Variants in IGFL4 observed in about 807,000 individuals in gnomAD.
The protein encoded by IGFL4 is IGF like family member 4, also known as insulin growth factor-like family member 4.
In IGFL4, 12 loss-of-function variants were observed where a neutral mutation model predicts 15.4. The ratio of observed to expected loss-of-function variants is 0.78; its 90% confidence interval spans 0.50 to 1.26. The LOEUF (loss-of-function observed/expected upper bound fraction) is 1.26, where lower values mean the gene tolerates loss of function less well. Among genes scored for constraint, IGFL4 ranks in the 50% most tolerant of loss-of-function variants. The pLI is 0.00. For synonymous variants in IGFL4, 54 were observed against 55.9 expected (o/e 0.97, Z 0.16); for missense variants, 126 against 147.8 (o/e 0.85, Z 0.76).
intron 1 of IGFL4, among the ~76,000 whole-genome samples, chr19:46,066,969 G>C (rs1969501024): frequency 6.6e-6 from 1 of 152,188 alleles, no homozygotes. Flanking sequence ...CTCTCCTTCA[G>C]CCAAGGGCAT....
chr19:46,042,608 A>G (rs941024883), upstream of IGFL4, among the ~76,000 whole-genome samples: 14 of 152,364 alleles, frequency 9.2e-5, no homozygotes, highest in African/African-American at 3.4e-4. Flanking sequence ...GTTAGTGACA[A>G]AAACAAGCTC....
chr19:46,040,097 C>A lies in IGFL4; in HGVS notation c.330+60G>T. 1 of 1,599,302 alleles carries A rather than the reference C, an allele frequency of 6.3e-7. No individual in the cohort carries two copies. Among genetic ancestry groups the A allele is most frequent in the Non-Finnish European group, 8.6e-7 (1 of 1,169,430 alleles). On this transcript the variant is annotated intron_variant, in intron 3 of 3. Coordinates refer to ENST00000377697, the MANE Select transcript of IGFL4 (RefSeq NM_001002923.3). This position sits in a 1 kb window ranked among gnomAD's most constrained non-coding sequence, Gnocchi z 4.1. ...ACTGCACATCTGGGTGGGACATGGA[C>A]AACCAAGCTCCATTCCCTACTCCCC...
intron 1 of IGFL4, among the ~76,000 whole-genome samples, chr19:46,062,423 T>A (rs986393484): frequency 6.6e-6 from 1 of 152,242 alleles, no homozygotes; most frequent in Non-Finnish European, 1.5e-5. Flanking sequence ...CAGTTTCTGC[T>A]GCTTTTCCCA....
At chr19:46,066,351 T>C (rs1969494401) in intron 1 of IGFL4, among the ~76,000 whole-genome samples, 1 of 152,228 alleles carries the variant, frequency 6.6e-6, no homozygotes, top group Non-Finnish European at 1.5e-5. Flanking sequence ...TCTTATGTTT[T>C]TATTTGCTAA....
Position 46,039,915 on chromosome 19 carries a change from C to A in IGFL4, c.352G>T (p.Val118Leu). 1.2e-6 allele frequency: 2 copies of A among 1,613,400 alleles called. No individual in the cohort carries two copies. Among genetic ancestry groups the A allele is most frequent in the Non-Finnish European group, 1.7e-6 (2 of 1,179,400 alleles). The change falls in exon 4 of 4, where the codon GTG becomes TTG. Residue 118 changes from valine (V) to leucine (L), a missense_variant. Transcript: ENST00000377697. ...CAQEYHPKSP[V>L]SRSDLI ...GTCTAGATGAGGTCAGATCTTGACACAGGGCTTTTTGGGTGGTATTCCTGC... is the reference window on the plus strand; with the variant it reads ...GTCTAGATGAGGTCAGATCTTGACAAAGGGCTTTTTGGGTGGTATTCCTGC...
upstream of IGFL4, among the ~76,000 whole-genome samples, chr19:46,045,597 C>T (rs557637231): frequency 1.3e-5 from 2 of 151,960 alleles, no homozygotes; most frequent in Non-Finnish European, 2.9e-5. Context: ...CCCAATGGAA[C>T]TGGAAAACAC....
At chr19:46,063,718 T>A (rs946226192) in intron 1 of IGFL4, among the ~76,000 whole-genome samples, 35 of 152,072 alleles carry the variant, frequency 2.3e-4, no homozygotes, top group Non-Finnish European at 2.5e-4. Flanking sequence ...ATAAGATGGG[T>A]CAGGAAAGAC....
intron 1 of IGFL4, among the ~76,000 whole-genome samples, chr19:46,067,637 C>T (rs148127461): frequency 1.4e-3 from 216 of 152,282 alleles, no homozygotes; most frequent in African/African-American, 5.0e-3. Context: ...CACGTGTGCT[C>T]AGGCTCAGAG....
At chr19:46,044,338 C>T (rs1969277346), upstream of IGFL4, among the ~76,000 whole-genome samples, 1 of 152,156 alleles carries the variant, frequency 6.6e-6, no homozygotes, top group Non-Finnish European at 1.5e-5. Context: ...GAGGACATCC[C>T]TCCATACATA....
chr19:46,065,334 CTTTTTT>C (rs1969484641), intron 1 of IGFL4, among the ~76,000 whole-genome samples: 2 of 98,030 alleles, frequency 2.0e-5, no homozygotes, highest in Non-Finnish European at 4.3e-5. Flanking sequence ...CTTTTCTTTT[CTTTTTT>C]GAGAGGGAGT....
At chr19:46,071,472 G>A (rs1390028950) in intron 1 of IGFL4, among the ~76,000 whole-genome samples, 2 of 152,108 alleles carry the variant, frequency 1.3e-5, no homozygotes, top group African/African-American at 2.4e-5. Context: ...ATAAACACAC[G>A]AATAAATGGG....
At chr19:46,052,436 A>C (rs559716479) in intron 2 of IGFL4, among the ~76,000 whole-genome samples, 16 of 152,320 alleles carry the variant, frequency 1.1e-4, no homozygotes, top group African/African-American at 3.4e-4. Context: ...AAATTCTTTG[A>C]CCTGAATGAT....
At chr19:46,076,611 G>T (rs1286949482) in intron 1 of IGFL4, among the ~76,000 whole-genome samples, 1 of 150,160 alleles carries the variant, frequency 6.7e-6, no homozygotes. Flanking sequence ...AGGTCAAATT[G>T]TATACATTTT....
At chr19:46,045,454 A>AAT (rs1472305230), upstream of IGFL4, among the ~76,000 whole-genome samples, 3 of 150,832 alleles carry the variant, frequency 2.0e-5, no homozygotes, top group East Asian at 5.8e-4. Flanking sequence ...AAAAAAAAAA[A>AAT]AGAAAAAGAT....
intron 2 of IGFL4, among the ~76,000 whole-genome samples, chr19:46,052,970 A>G (rs1200486762): frequency 4.6e-5 from 7 of 150,804 alleles, no homozygotes; most frequent in Admixed American, 3.3e-4. Flanking sequence ...AGAAAAGAAA[A>G]AAAAAAAAAA....
At chr19:46,048,794 C>T (rs1469803873) in intron 2 of IGFL4, among the ~76,000 whole-genome samples, 1 of 152,200 alleles carries the variant, frequency 6.6e-6, no homozygotes, top group Admixed American at 6.5e-5. Flanking sequence ...GAAAAACACT[C>T]TATGCTCATG....
intron 1 of IGFL4, among the ~76,000 whole-genome samples, chr19:46,072,984 G>A (rs1203479888): frequency 1.3e-5 from 2 of 152,258 alleles, no homozygotes; most frequent in Admixed American, 1.3e-4. Context: ...TATCCCAGTT[G>A]GGAGAGCACA....
chr19:46,071,794 G>A (rs1039426891), intron 1 of IGFL4, among the ~76,000 whole-genome samples: 3 of 152,246 alleles, frequency 2.0e-5, no homozygotes, highest in South Asian at 2.1e-4. Context: ...GCCAAGACAG[G>A]TGGATCACAT....
chr19:46,055,256 A>T (rs1016089028), intron 2 of IGFL4, among the ~76,000 whole-genome samples: 1 of 152,086 alleles, frequency 6.6e-6, no homozygotes, highest in Non-Finnish European at 1.5e-5. Context: ...TTTTCATTTC[A>T]TTTCTTTTCT....
Sources: gnomAD v4.1 joint callset for allele counts (sites outside exome capture counted in the v4.1 genomes callset) on GRCh38, gnomAD v4.1.1 for gene constraint, Gnocchi (gnomAD v3.1) non-coding constraint, MANE v1.5 for transcripts, NCBI Gene and HGNC (gene_info 2026-07-23, HGNC 2026-07-21) for gene names.